Variants in POLR3C observed in about 807,000 individuals in gnomAD.
POLR3C encodes the protein DNA-directed RNA polymerase III subunit RPC3.
In POLR3C, 44 loss-of-function variants were observed where a neutral mutation model predicts 65.9. The ratio of observed to expected loss-of-function variants is 0.67; its 90% confidence interval spans 0.52 to 0.86. POLR3C has a LOEUF of 0.86. POLR3C is among the 40% of genes least tolerant of loss of function. The probability of loss-of-function intolerance (pLI) is 0.00; values close to 1 mark genes in which losing one functional copy is unlikely to be tolerated. For synonymous variants in POLR3C, 263 were observed against 231.6 expected (o/e 1.14, Z -1.23); for missense variants, 576 against 653.2 (o/e 0.88, Z 1.29).
At chr1:145,826,343 TTATC>T (rs1169031291) in intron 2 of POLR3C, 107 bp from the exon 3 acceptor site, 9 of 838,136 alleles carry the variant, frequency 1.1e-5, no homozygotes, top group South Asian at 1.6e-5. Flanking sequence ...AGTGCAGAAA[TTATC>T]TAGCCATTTT....
rs375014103 is a variant in POLR3C, at chr1:145,827,780, TAGCC to T, written c.589+778_589+781del. Among the ~76,000 whole-genome samples, 736 of 104,416 alleles carry T rather than the reference TAGCC, an allele frequency of 7.0e-3. 9 individuals are homozygous for T. The highest frequency in any genetic ancestry group is 0.039 in the African/African-American group (700 of 17,774). 68.5% of individuals were successfully genotyped at this position (104,416 alleles called of 152,430 possible). A position where few individuals can be genotyped will look rare whatever the true frequency, so the allele number is the denominator to read the frequency against. ...TCTCAAAAAAAAAAAAAAAAAAAAATAGCCAGGTATGGTGGCATACGCCTGTAAT... is the reference window on the plus strand; with the variant it reads ...TCTCAAAAAAAAAAAAAAAAAAAAATAGGTATGGTGGCATACGCCTGTAAT... On this transcript the variant is annotated intron_variant, in intron 4 of 14. Transcript: ENST00000334163.
chr1:145,831,059 A>G (rs1350812955), intron 5 of POLR3C, among the ~76,000 whole-genome samples: 1 of 151,978 alleles, frequency 6.6e-6, no homozygotes, highest in African/African-American at 2.4e-5. Context: ...TGATGGTGCC[A>G]CTGCACTACA....
chr1:145,824,472 C>G, intron 1 of POLR3C, 103 bp downstream of exon 1: 1 of 1,156,682 alleles, frequency 8.6e-7, no homozygotes, highest in Non-Finnish European at 1.2e-6. Context: ...AGGAGCCAAG[C>G]GCCTTGGAAG....
chr1:145,839,756 G>A lies in POLR3C; in HGVS notation c.1222-134G>A, dbSNP rs782575472. The A allele has an allele frequency of 6.5e-5, 41 of 627,548 alleles. No homozygotes were observed. The South Asian group carries it at 7.7e-4, about 12-fold the overall frequency. 38.9% of individuals were successfully genotyped at this position (627,548 alleles called of 1,614,324 possible). On this transcript the variant is annotated intron_variant, in intron 11 of 14. Transcript: ENST00000334163. The stretch of plus-strand genomic sequence containing the variant: ...AAAATAAATAAATAAAATAAACACA[G>A]GTACTGAATGACTAGGAAACAGGAA...
intron 4 of POLR3C, 27 bp from the exon 5 acceptor site, chr1:145,828,722 C>CT (rs1651005618): frequency 1.4e-6 from 2 of 1,426,502 alleles, no homozygotes; most frequent in Non-Finnish European, 2.0e-6. Context: ...GAGATATAGT[C>CT]TAAGTGTTTA....
At position 145,842,381 on chromosome 1, in the gene POLR3C, G is replaced by A. The variant is rs1041936678; in HGVS notation, c.1566G>A (p.Leu522=). 8 of 1,612,102 alleles carry A rather than the reference G, an allele frequency of 5.0e-6. No individual in the cohort carries two copies. In the African/African-American group the frequency reaches 8.0e-5, roughly 16 times the overall value. Residue 522 remains leucine (L), a synonymous_variant, in exon 15 of 15, where the codon CTG becomes CTA. Coordinates refer to ENST00000334163, the MANE Select transcript of POLR3C (RefSeq NM_006468.8). ...SEIQVDETIF[L]LESYIECTMK... Reference sequence around the variant, plus strand: ...TCCAGGTGGACGAAACCATCTTCCTGCTGGAGTCTTACATTGAGTGCACCA... The same window carrying A: ...TCCAGGTGGACGAAACCATCTTCCTACTGGAGTCTTACATTGAGTGCACCA...
chr1:145,837,504 A>G (rs139795664), intron 9 of POLR3C, 32 bp from the exon 10 acceptor site: 3 of 1,301,904 alleles, frequency 2.3e-6, no homozygotes, highest in African/African-American at 1.5e-5. Context: ...AGGCCAAAAC[A>G]TTACTGAGTG....
At chr1:145,833,213 GA>G in intron 5 of POLR3C, 46 bp from the exon 6 acceptor site, 1 of 1,142,696 alleles carries the variant, frequency 8.8e-7, no homozygotes, top group Non-Finnish European at 1.3e-6. Context: ...CTCCTCACCA[GA>G]AAACTTTACA....
chr1:145,837,986 C>A, intron 10 of POLR3C, 70 bp from the exon 11 acceptor site: 1 of 1,385,560 alleles, frequency 7.2e-7, no homozygotes. Context: ...AGAACAACCA[C>A]CCCATCTATG....
Position 145,825,209 on chromosome 1 carries a change from A to G in POLR3C, c.-20-548A>G, listed in dbSNP as rs587622611. ...CTGCAACCTCTGCCTCCCGGCTTCA[A>G]GCGATTCTCCTGTCTCAGCCTCCCT... On this transcript the variant is annotated intron_variant, in intron 1 of 14. Coordinates refer to ENST00000334163, the MANE Select transcript of POLR3C (RefSeq NM_006468.8). 1.3e-4 allele frequency among the ~76,000 whole-genome samples: 20 copies of G among 152,154 alleles called. No homozygotes were observed. In the South Asian group the frequency reaches 3.7e-3, roughly 28 times the overall value.
intron 9 of POLR3C, among the ~76,000 whole-genome samples, chr1:145,837,322 TAATC>T (rs1651932728): frequency 1.3e-5 from 2 of 152,176 alleles, no homozygotes. Context: ...AAAGGACTTT[TAATC>T]AACCAAATTT....
intron 11 of POLR3C, among the ~76,000 whole-genome samples, chr1:145,838,440 G>T (rs1652029788): frequency 1.3e-5 from 2 of 152,190 alleles, no homozygotes; most frequent in African/African-American, 2.4e-5. Flanking sequence ...CCAGCACTTT[G>T]GGAGGCCAAG....
chr1:145,827,104 C>A, intron 4 of POLR3C, 99 bp downstream of exon 4: 1 of 990,462 alleles, frequency 1.0e-6, no homozygotes, highest in Non-Finnish European at 1.6e-6. Flanking sequence ...CAAGTATTTG[C>A]TATGTGCCAG....
At chr1:145,832,196 T>C (rs587640473) in intron 5 of POLR3C, among the ~76,000 whole-genome samples, 3 of 152,316 alleles carry the variant, frequency 2.0e-5, no homozygotes, top group Admixed American at 1.3e-4. Context: ...TTAAGGACAG[T>C]TGTGGAATTT....
chr1:145,843,375 A>T lies in POLR3C; in HGVS notation c.*955A>T, dbSNP rs1476015395. The stretch of plus-strand genomic sequence containing the variant: ...GCTTTAATTCATTTAAAGCAGTTAG[A>T]TGTTTTATAATATCTTCAGTTTTCT... On this transcript the variant is annotated 3_prime_UTR_variant, in exon 15 of 15. Coordinates refer to ENST00000334163, the MANE Select transcript of POLR3C (RefSeq NM_006468.8). Among the ~76,000 whole-genome samples, 9 of 151,824 alleles carry T rather than the reference A, an allele frequency of 5.9e-5. No homozygotes were observed. Among genetic ancestry groups the T allele is most frequent in the Non-Finnish European group, 8.8e-5 (6 of 67,936 alleles).
chr1:145,825,651 G>A lies in POLR3C; in HGVS notation c.-20-106G>A. 5 of 587,576 alleles carry A rather than the reference G, an allele frequency of 8.5e-6. No homozygotes were observed. The South Asian group carries it at 8.6e-5, about 10-fold the overall frequency. The allele number at this position is 587,576 out of a possible 1,614,324, so 36.4% of individuals were successfully genotyped here. ...CAAGATTTTTAAGGCTTTTTGATAT[G>A]TATTGTCAAATTGCCCTCCAGAAAG... On this transcript the variant is annotated intron_variant, in intron 1 of 14. Transcript: ENST00000334163.
rs1298619657 is a variant in POLR3C, at chr1:145,826,473, T to C, written c.167T>C (p.Val56Ala). 15 of 1,613,590 alleles carry C rather than the reference T, an allele frequency of 9.3e-6. No individual in the cohort carries two copies. The Admixed American group carries it at 2.5e-4, about 27-fold the overall frequency. The change falls in exon 3 of 15, where the codon GTC (valine) becomes GCC (alanine). Residue 56 changes from valine (V) to alanine (A), a missense_variant. By Grantham distance (64) the Val-to-Ala change is moderately conservative (BLOSUM62 0). Coordinates refer to ENST00000334163, the MANE Select transcript of POLR3C (RefSeq NM_006468.8). Reference protein sequence around the residue: ...SLDQVKKALCVLVQHNLVSYQ... With the variant: ...SLDQVKKALCALVQHNLVSYQ... ...ATTTAGGTGAAGAAAGCCCTGTGTG[T>C]CCTCGTCCAACATAACCTGGTGAGT...
chr1:145,826,305 T>A, intron 2 of POLR3C, 149 bp from the exon 3 acceptor site: 1 of 636,798 alleles, frequency 1.6e-6, no homozygotes, highest in Non-Finnish European at 2.8e-6. Context: ...GTGATTCTTA[T>A]TAGCTCCTCC....
At chr1:145,838,709 CAA>C (rs1559152053) in intron 11 of POLR3C, among the ~76,000 whole-genome samples, 1 of 150,344 alleles carries the variant, frequency 6.7e-6, no homozygotes. Context: ...AAACAAAAAA[CAA>C]AAAAGAGGCA....
Sources: gnomAD v4.1 joint callset for allele counts (sites outside exome capture counted in the v4.1 genomes callset) on GRCh38, gnomAD v4.1.1 for gene constraint, MANE v1.5 for transcripts, NCBI Gene and HGNC (gene_info 2026-07-23, HGNC 2026-07-21) for gene names.